The following ANO1 variants were observed in gnomAD, a reference collection of about 807,000 sequenced individuals.
ANO1 encodes anoctamin 1.
ANO1 carries 59 observed loss-of-function variants against 124.0 expected under a neutral mutation model. The ratio of observed to expected loss-of-function variants is 0.48; its 90% confidence interval spans 0.39 to 0.59. ANO1 has a LOEUF of 0.59. Ranked by LOEUF, ANO1 falls within the 20% of genes least tolerant of loss-of-function variation. The pLI is 0.00. For missense variants in ANO1, 1,059 were observed against 1,328.0 expected (o/e 0.80, Z 3.15); for synonymous variants, 529 against 532.0 (o/e 0.99, Z 0.08).
the ANO1 span, among the ~76,000 whole-genome samples, chr11:69,977,215 G>A: frequency 6.6e-5 from 10 of 152,208 alleles, no homozygotes; most frequent in Non-Finnish European, 1.0e-4. Context: ...CCTGGCTTGC[G>A]TGACCCTAGC....
intron 21 of ANO1, among the ~76,000 whole-genome samples, chr11:70,168,414 G>A (rs573594741): frequency 2.0e-4 from 31 of 151,372 alleles, no homozygotes; most frequent in Non-Finnish European, 4.0e-4. Flanking sequence ...ACACGGCCAC[G>A]ACCCCCACCC....
chr11:70,180,488 G>T (rs983956538), intron 23 of ANO1, among the ~76,000 whole-genome samples: 1 of 152,162 alleles, frequency 6.6e-6, no homozygotes, highest in East Asian at 1.9e-4. Flanking sequence ...GACCAGGCTG[G>T]TCTCAAACTC....
rs371739615 is a variant in ANO1 at position 70,087,872 on chromosome 11, C to T, written c.229C>T (p.Arg77Trp). 3.0e-5 allele frequency: 48 copies of T among 1,612,274 alleles called. No individual in the cohort carries two copies. The highest frequency in any genetic ancestry group is 3.8e-5 in the Non-Finnish European group (45 of 1,179,562). Reference protein sequence around the residue: ...VYHHKRPSGNRTLVRRVQHSD... With the variant: ...VYHHKRPSGNWTLVRRVQHSD... ...CCATCACAAGAGGCCCTCGGGCAAC[C>T]GGACCCTGGTCAGGAGGGTGCAGCA... is the stretch of plus-strand genomic sequence containing the variant. The change falls in exon 2 of 26, where the codon CGG becomes TGG. Residue 77 changes from arginine to tryptophan, a missense_variant. Physicochemically the swap from Arg to Trp is moderately radical, Grantham distance 101. Around this residue, in one of 2 missense-constraint regions of ANO1, gnomAD observed 250 missense variants for 233.1 expected, o/e 1.07. Transcript: ENST00000355303.
At chr11:70,095,300 GAAAGAAAGA>G (rs2044835268) in intron 2 of ANO1, among the ~76,000 whole-genome samples, 20 of 63,506 alleles carry the variant, frequency 3.1e-4, no homozygotes, top group Middle Eastern at 7.8e-3. Flanking sequence ...AGGAAGGAAG[GAAAGAAAGA>G]AAGAAAGAAA....
In ANO1 at chr11:70,014,604, G is replaced by A. The variant is rs569020865; in HGVS notation, c.58+28438G>A. ...ACTGGGAGCAGTGCTGCTCTATCTG[G>A]TGGTCTTGTGAAGGTCTCTTGGGGA... is the stretch of plus-strand genomic sequence containing the variant. On this transcript the variant is annotated intron_variant, in intron 1 of 27. Transcript: ENST00000531349. Among the ~76,000 whole-genome samples the A allele has an allele frequency of 1.4e-4, 22 of 152,186 alleles. 1 individual carries two copies. Among genetic ancestry groups the A allele is most frequent in the African/African-American group, 5.3e-4 (22 of 41,542 alleles).
chr11:70,182,598 A>G lies in ANO1; in HGVS notation c.2500A>G (p.Thr834Ala), dbSNP rs942446783. The change falls in exon 24 of 26, where the codon ACC becomes GCC. Residue 834 changes from threonine to alanine, a missense_variant. Around this residue, in one of 2 missense-constraint regions of ANO1, gnomAD observed 809 missense variants for 1,094.9 expected, o/e 0.74. Coordinates refer to ENST00000355303, the MANE Select transcript of ANO1 (RefSeq NM_018043.7). ...NGTMHGFVNH[T>A]LSSFNVSDFQ... Reference sequence around the variant, plus strand: ...GACCATGCACGGCTTCGTCAACCACACCCTCTCCTCCTTCAACGTCAGTGA... The same window carrying G: ...GACCATGCACGGCTTCGTCAACCACGCCCTCTCCTCCTTCAACGTCAGTGA... The G allele has an allele frequency of 1.2e-6, 2 of 1,612,870 alleles. No homozygotes were observed. Among genetic ancestry groups the G allele is most frequent in the Admixed American group, 1.7e-5 (1 of 59,900 alleles).
intron 1 of ANO1, among the ~76,000 whole-genome samples, chr11:70,084,180 G>A (rs911830060): frequency 8.5e-5 from 13 of 152,218 alleles, no homozygotes; most frequent in Middle Eastern, 3.4e-3. Flanking sequence ...CCGACCCCTC[G>A]AGACCCTGCA....
intron 7 of ANO1, among the ~76,000 whole-genome samples, chr11:70,114,721 A>C (rs1376361153): frequency 6.6e-6 from 1 of 152,178 alleles, no homozygotes; most frequent in Non-Finnish European, 1.5e-5. Flanking sequence ...CAACATGGCG[A>C]AACCTCATCT....
intron 1 of ANO1, among the ~76,000 whole-genome samples, chr11:70,001,321 G>A (rs1180092166): frequency 6.6e-6 from 1 of 152,096 alleles, no homozygotes; most frequent in Non-Finnish European, 1.5e-5. Flanking sequence ...AACTGTACCA[G>A]ACCCTTAAGT....
At position 70,179,899 on chromosome 11, in the gene ANO1, A is replaced by G. The variant is rs1200775328; in HGVS notation, c.2351-105A>G. The G allele has an allele frequency of 3.8e-6, 4 of 1,052,976 alleles. No homozygotes were observed. The African/African-American group carries it at 4.7e-5, about 12-fold the overall frequency. The allele number at this position is 1,052,976 out of a possible 1,614,324, so 65.2% of individuals were successfully genotyped here. A position where few individuals can be genotyped will look rare whatever the true frequency, so the allele number is the denominator to read the frequency against. The stretch of plus-strand genomic sequence containing the variant: ...GCCATAAGCCTCTGACTGCTGTGAG[A>G]AAGCCTGGCCCCTGCAAGGGTGGTA... On this transcript the variant is annotated intron_variant, in intron 22 of 25. Transcript: ENST00000355303.
chr11:70,176,943 AAC>A (rs1190233589), intron 22 of ANO1, among the ~76,000 whole-genome samples: 1 of 151,996 alleles, frequency 6.6e-6, no homozygotes, highest in African/African-American at 2.4e-5. Flanking sequence ...GCATTTCTCT[AAC>A]ACACCCCGCG....
At chr11:69,996,611 G>A (rs184544945) in intron 1 of ANO1, among the ~76,000 whole-genome samples, 13 of 152,252 alleles carry the variant, frequency 8.5e-5, no homozygotes, top group African/African-American at 2.2e-4. Flanking sequence ...GTCCAACCTC[G>A]TCCTTGAACT....
In ANO1 at chr11:70,167,381, GA is replaced by G; in HGVS notation, c.2194del (p.Met732Ter). The G allele has an allele frequency of 6.2e-7, 1 of 1,611,240 alleles. No individual in the cohort carries two copies. Among genetic ancestry groups the G allele is most frequent in the Non-Finnish European group, 8.5e-7 (1 of 1,178,550 alleles). On this transcript the variant is annotated frameshift_variant, in exon 21 of 26. Coordinates refer to ENST00000355303, the MANE Select transcript of ANO1 (RefSeq NM_018043.7). LOFTEE classifies it high-confidence loss of function. ...CGCGGGCCTCACCCCAGAGTACATG[GA>G]AATGAGTGAGTGATGGCCGGGGCAG... Reference protein sequence around the residue: ...PFAGLTPEYMEMIIQFGFVTL... With the variant: ...PFAGLTPEYMXMIIQFGFVTL...
intron 1 of ANO1, among the ~76,000 whole-genome samples, chr11:70,010,481 C>T (rs1306012045): frequency 6.6e-6 from 1 of 151,870 alleles, no homozygotes; most frequent in Non-Finnish European, 1.5e-5. Flanking sequence ...GGACACCTCC[C>T]ATTAGACCCC....
intron 1 of ANO1, among the ~76,000 whole-genome samples, chr11:70,061,455 T>A (rs1857575074): frequency 6.9e-6 from 1 of 145,932 alleles, no homozygotes. Context: ...TCTCTCTCCT[T>A]CTCTCTCTCT....
chr11:70,093,614 T>C lies in ANO1; in HGVS notation c.441+5530T>C, dbSNP rs147688445. Reference sequence around the variant, plus strand: ...TAGATCCTGAGAAGGCCGTGGACATTGGAACCCTATAAAAGTCTGTTTGCT... The same window carrying C: ...TAGATCCTGAGAAGGCCGTGGACATCGGAACCCTATAAAAGTCTGTTTGCT... On this transcript the variant is annotated intron_variant, in intron 2 of 25. Coordinates refer to ENST00000355303, the MANE Select transcript of ANO1 (RefSeq NM_018043.7). 2.4e-3 allele frequency among the ~76,000 whole-genome samples: 362 copies of C among 152,276 alleles called. 1 individual carries two copies. Among genetic ancestry groups the C allele is most frequent in the African/African-American group, 8.3e-3 (345 of 41,562 alleles).
chr11:70,084,903 G>T (rs888819519), intron 1 of ANO1, among the ~76,000 whole-genome samples: 1 of 152,182 alleles, frequency 6.6e-6, no homozygotes, highest in Non-Finnish European at 1.5e-5. Flanking sequence ...GAGCTGGGCA[G>T]CTCACCCGTG....
intron 8 of ANO1, among the ~76,000 whole-genome samples, chr11:70,117,126 T>C (rs1307264090): frequency 3.2e-5 from 4 of 125,530 alleles, no homozygotes; most frequent in Non-Finnish European, 6.5e-5. Flanking sequence ...TTTTTTTGAG[T>C]TGGAGTCGCA....
At chr11:70,186,352 G>GAGGAA (rs2049121547) in intron 25 of ANO1, among the ~76,000 whole-genome samples, 1 of 126,822 alleles carries the variant, frequency 7.9e-6, no homozygotes, top group South Asian at 2.8e-4. Flanking sequence ...GAGGGGGAGG[G>GAGGAA]AGGAAGGAAG....
Sources: allele counts gnomAD v4.1 joint callset (sites outside exome capture counted in the v4.1 genomes callset), GRCh38; gene constraint gnomAD v4.1.1; regional missense constraint gnomAD v4.1.1; transcripts MANE v1.5; gene names NCBI Gene and HGNC (gene_info 2026-07-23, HGNC 2026-07-21).